RBFOX1: variants seen among roughly 807,000 people sequenced by gnomAD.
RBFOX1 encodes RNA binding protein fox-1 homolog 1.
In RBFOX1, 8 loss-of-function variants were observed where a neutral mutation model predicts 57.7. The ratio of observed to expected loss-of-function variants is 0.14; its 90% CI spans 0.08 to 0.25. RBFOX1 has a LOEUF of 0.25. RBFOX1 is among the 10% of genes least tolerant of loss of function. RBFOX1 has a pLI of 1.00. For missense variants in RBFOX1, 611 were observed against 548.5 expected, an observed-to-expected ratio of 1.11 and a Z score of -1.14; for synonymous variants, 326 against 222.4, an observed-to-expected ratio of 1.47 and a Z score of -4.15.
At chr16:7,540,587 C>G (rs769755267) in intron 5 of RBFOX1, among the ~76,000 whole-genome samples, 13 of 152,240 alleles carry the variant, frequency 8.5e-5, no homozygotes, top group African/African-American at 2.9e-4. Context: ...ACTGACTGCT[C>G]TGTCTCTGCT....
chr16:7,199,341 T>G (rs1449881241), intron 4 of RBFOX1, among the ~76,000 whole-genome samples: 1 of 152,184 alleles, frequency 6.6e-6, no homozygotes, highest in Non-Finnish European at 1.5e-5. Context: ...TTTTTCTGTT[T>G]TATCATTTGA....
Position 6,779,853 on chromosome 16 carries a change from A to ATATATT in RBFOX1, c.-16+125208_-16+125209insTTATAT, listed in dbSNP as rs2080169632. On this transcript the variant is annotated intron_variant, in intron 3 of 15. Transcript: ENST00000550418. ...TTTTTATATATTTATATATATATTTATATATATTTATATATTTATATATAT... is the reference window on the plus strand; with the variant it reads ...TTTTTATATATTTATATATATATTTATATATTTATATATTTATATATTTATATATAT... Among the ~76,000 whole-genome samples the ATATATT allele has an allele frequency of 5.7e-5, 2 of 35,250 alleles. 1 individual carries two copies. The highest frequency in any genetic ancestry group is 1.2e-3 in the Admixed American group (2 of 1,662). 23.1% of individuals were successfully genotyped at this position (35,250 alleles called of 152,430 possible).
intron 3 of RBFOX1, among the ~76,000 whole-genome samples, chr16:5,784,510 T>G (rs1428427691): frequency 6.6e-6 from 1 of 152,028 alleles, no homozygotes; most frequent in African/African-American, 2.4e-5. Context: ...CTACACACTT[T>G]TAAACAACCA....
chr16:5,927,268 T>G (rs1029313683), intron 4 of RBFOX1, among the ~76,000 whole-genome samples: 4 of 152,224 alleles, frequency 2.6e-5, no homozygotes, highest in Non-Finnish European at 5.9e-5. Flanking sequence ...GATACAAAAA[T>G]ATTAGAAGTT....
chr16:6,272,698 T>C (rs1322897560), intron 1 of RBFOX1, among the ~76,000 whole-genome samples: 1 of 152,184 alleles, frequency 6.6e-6, no homozygotes, highest in African/African-American at 2.4e-5. Context: ...CTTATATAGC[T>C]ACAGTAATCC....
At chr16:7,086,862 G>T (rs2060071731) in intron 4 of RBFOX1, among the ~76,000 whole-genome samples, 2 of 152,206 alleles carry the variant, frequency 1.3e-5, no homozygotes, top group South Asian at 2.1e-4. Flanking sequence ...AGTTGGTGGG[G>T]CTTGGTTTTT....
chr16:7,102,278 A>G lies in RBFOX1; in HGVS notation c.27+50180A>G, dbSNP rs148429746. 7.7e-3 allele frequency among the ~76,000 whole-genome samples: 1,172 copies of G among 152,306 alleles called. 11 individuals are homozygous for G. Among genetic ancestry groups the G allele is most frequent in the Non-Finnish European group, 0.012 (849 of 68,016 alleles). On this transcript the variant is annotated intron_variant, in intron 4 of 15. Coordinates refer to ENST00000550418, the MANE Select transcript of RBFOX1 (RefSeq NM_018723.4). ...AATTCTACCTTTGTATAGGAACTCCATTCTTTGTCTATCCATAGACTATTG... is the reference window on the plus strand; with the variant it reads ...AATTCTACCTTTGTATAGGAACTCCGTTCTTTGTCTATCCATAGACTATTG...
chr16:7,473,707 A>G (rs912999417), intron 4 of RBFOX1, among the ~76,000 whole-genome samples: 2 of 152,032 alleles, frequency 1.3e-5, no homozygotes, highest in African/African-American at 2.4e-5. Flanking sequence ...GGAATCAAAG[A>G]GTAGTTTCTT....
intron 3 of RBFOX1, among the ~76,000 whole-genome samples, chr16:5,680,511 G>T (rs2050300181): frequency 6.6e-6 from 1 of 152,160 alleles, no homozygotes; most frequent in South Asian, 2.1e-4. Flanking sequence ...TTAGGTTTCT[G>T]GTTCCCTTGC....
intron 1 of RBFOX1, among the ~76,000 whole-genome samples, chr16:6,227,014 C>G (rs1314981444): frequency 1.3e-5 from 2 of 151,062 alleles, no homozygotes; most frequent in Non-Finnish European, 2.9e-5. Flanking sequence ...ATGCCAGCTA[C>G]TTGGGAGGCT....
intron 3 of RBFOX1, among the ~76,000 whole-genome samples, chr16:6,876,837 T>A (rs1333007883): frequency 2.0e-5 from 3 of 152,170 alleles, no homozygotes; most frequent in Non-Finnish European, 4.4e-5. Context: ...GGATTTCAGA[T>A]GTGAGCAATG....
At chr16:7,011,997 G>C (rs565976606) in intron 3 of RBFOX1, among the ~76,000 whole-genome samples, 1 of 152,150 alleles carries the variant, frequency 6.6e-6, no homozygotes, top group Non-Finnish European at 1.5e-5. Flanking sequence ...GTGGTGTTCT[G>C]ATCAATGAGG....
At chr16:6,757,892 C>G (rs1372916450) in intron 3 of RBFOX1, among the ~76,000 whole-genome samples, 3 of 152,154 alleles carry the variant, frequency 2.0e-5, no homozygotes, top group Non-Finnish European at 2.9e-5. Context: ...ATCAAAATGT[C>G]ACATGTACCC....
chr16:5,945,751 C>A (rs374970970), intron 4 of RBFOX1, among the ~76,000 whole-genome samples: 37 of 152,182 alleles, frequency 2.4e-4, no homozygotes, highest in African/African-American at 8.4e-4. Context: ...CCTGACTTTG[C>A]CAGATATTGC....
intron 4 of RBFOX1, among the ~76,000 whole-genome samples, chr16:7,346,109 A>AG (rs552446152): frequency 5.6e-4 from 86 of 152,290 alleles, no homozygotes; most frequent in African/African-American, 1.9e-3. Context: ...TAGTTTGCTG[A>AG]GAATGATGGT....
At chr16:6,959,907 G>T (rs1348127186) in intron 3 of RBFOX1, among the ~76,000 whole-genome samples, 7 of 152,124 alleles carry the variant, frequency 4.6e-5, no homozygotes, top group African/African-American at 1.7e-4. Flanking sequence ...TTGCACTCTA[G>T]CCTGGGCGAC....
rs139720122 is a variant in RBFOX1, at chr16:5,925,982, CTG to C, written c.351+58649_351+58650del. ...TACCTTTCCTATTGTCTATTGTCCT[CTG>C]TTTACTACAGGTGTGGTAGCAGTCA... is the stretch of plus-strand genomic sequence containing the variant. On this transcript the variant is annotated intron_variant, in intron 4 of 19. Transcript: ENST00000641259. 8.0e-3 allele frequency among the ~76,000 whole-genome samples: 1,213 copies of C among 152,288 alleles called. 16 individuals are homozygous for C. The highest frequency in any genetic ancestry group is 0.01 in the Non-Finnish European group (693 of 68,028).
intron 3 of RBFOX1, among the ~76,000 whole-genome samples, chr16:6,720,000 A>C (rs1035382228): frequency 2.1e-4 from 32 of 152,074 alleles, no homozygotes; most frequent in Admixed American, 2.1e-3. Flanking sequence ...AGGCTGAGGC[A>C]GGAGAATCGC....
At chr16:7,666,367 A>C (rs2069268932) in intron 13 of RBFOX1, among the ~76,000 whole-genome samples, 2 of 143,872 alleles carry the variant, frequency 1.4e-5, no homozygotes. Context: ...AATGGAAACT[A>C]TCTCCAGCAA....
Sources: gnomAD v4.1 joint callset for allele counts (sites outside exome capture counted in the v4.1 genomes callset) on GRCh38, gnomAD v4.1.1 for gene constraint, MANE v1.5 for transcripts, NCBI Gene and HGNC (gene_info 2026-07-23, HGNC 2026-07-21) for gene names.